KDM2B: variants seen among roughly 807,000 people sequenced by gnomAD.
KDM2B encodes the protein lysine demethylase 2B.
A neutral mutation model predicts 150.0 loss-of-function variants in KDM2B; 26 were observed. That is an observed-to-expected ratio of 0.17 (90% confidence interval 0.13 to 0.24). The LOEUF is 0.24. Among genes scored for constraint, KDM2B ranks in the 10% least tolerant of loss-of-function variants. KDM2B has a pLI of 1.00. For missense variants in KDM2B, 1,265 were observed against 1,816.9 expected, an observed-to-expected ratio of 0.70 and a Z score of 5.52; for synonymous variants, 734 against 729.5, an observed-to-expected ratio of 1.01 and a Z score of -0.10.
At chr12:121,557,717 C>T (rs1265356001) in intron 4 of KDM2B, among the ~76,000 whole-genome samples, 1 of 152,112 alleles carries the variant, frequency 6.6e-6, no homozygotes, top group Non-Finnish European at 1.5e-5. Flanking sequence ...GAAATGTAGC[C>T]CTACAGACAC....
intron 4 of KDM2B, among the ~76,000 whole-genome samples, chr12:121,568,026 G>C (rs1890834193): frequency 6.6e-6 from 1 of 151,980 alleles, no homozygotes; most frequent in African/African-American, 2.4e-5. Context: ...ACTGCGCCCA[G>C]CCTAAGAAAA....
chr12:121,420,270 C>T, the KDM2B span: 3 of 1,604,186 alleles, frequency 1.9e-6, no homozygotes, highest in African/African-American at 4.1e-5. Flanking sequence ...TCAGCAAACA[C>T]AGAAGATGAT....
chr12:121,476,498 A>C (rs1454382126), intron 12 of KDM2B, among the ~76,000 whole-genome samples: 1 of 151,622 alleles, frequency 6.6e-6, no homozygotes, highest in Non-Finnish European at 1.5e-5. Flanking sequence ...AAAAAAAAAA[A>C]CCCTGTCTCT....
Position 121,467,531 on chromosome 12 carries a change from A to T in KDM2B, c.1735-14187T>A, listed in dbSNP as rs1464286210. 1 of 177,474 alleles carries T rather than the reference A, an allele frequency of 5.6e-6. No homozygotes were observed. The highest frequency in any genetic ancestry group is 1.1e-5 in the Non-Finnish European group (1 of 94,384). The allele number at this position is 177,474 out of a possible 1,614,324, so 11.0% of individuals were successfully genotyped here. On this transcript the variant is annotated intron_variant, in intron 12 of 22. Coordinates refer to ENST00000377071, the MANE Select transcript of KDM2B (RefSeq NM_032590.5). The surrounding 1 kb of genome is among the most constrained non-coding windows in gnomAD (Gnocchi z 5.1). Reference sequence around the variant, plus strand: ...CAAAGGGAGCCCGGCCTGCGGTGACACGGGGGCGGGCCGCCGAGGGCGGTC... The same window carrying T: ...CAAAGGGAGCCCGGCCTGCGGTGACTCGGGGGCGGGCCGCCGAGGGCGGTC...
intron 10 of KDM2B, among the ~76,000 whole-genome samples, chr12:121,511,350 G>A (rs535029921): frequency 2.7e-5 from 4 of 146,216 alleles, no homozygotes; most frequent in South Asian, 4.3e-4. Flanking sequence ...GCAATGGCGC[G>A]ATCTCGGCAC....
At position 121,509,963 on chromosome 12, in the gene KDM2B, C is replaced by T; in HGVS notation, c.1251G>A (p.Gln417=). Residue 417 remains glutamine (Q), a synonymous_variant, in exon 11 of 23, where the codon CAG becomes CAA. Transcript: ENST00000377071. The part of the protein sequence containing the change: ...WLEMEEEACD[Q]QPQEEEEKDE... Reference sequence around the variant, plus strand: ...CCTTCTCCTCCTCCTCCTGAGGCTGCTGATCACAGGCCTCCTCCTCCATCT... The same window carrying T: ...CCTTCTCCTCCTCCTCCTGAGGCTGTTGATCACAGGCCTCCTCCTCCATCT... The T allele has an allele frequency of 6.2e-7, 1 of 1,609,070 alleles. No individual in the cohort carries two copies. Among genetic ancestry groups the T allele is most frequent in the Non-Finnish European group, 8.5e-7 (1 of 1,177,646 alleles).
chr12:121,488,225 T>G (rs1593921356), intron 12 of KDM2B, among the ~76,000 whole-genome samples: 1 of 152,222 alleles, frequency 6.6e-6, no homozygotes, highest in African/African-American at 2.4e-5. Context: ...ATGATAATTT[T>G]GGGATGGGAA....
intron 10 of KDM2B, among the ~76,000 whole-genome samples, chr12:121,510,647 G>T (rs1885506140): frequency 1.3e-5 from 2 of 151,976 alleles, no homozygotes; most frequent in Admixed American, 1.3e-4. Context: ...ACACAAATTA[G>T]CTGGGTGTGA....
At chr12:121,418,829 C>T in the KDM2B span, 5 of 152,306 alleles carry the variant, frequency 3.3e-5, no homozygotes, top group Middle Eastern at 0.017. Context: ...TCAAGCAATT[C>T]TCCTGCCTCA....
rs782421557 is a variant in KDM2B, at chr12:121,442,809, G to A, written c.2632C>T (p.Arg878Cys). 6.6e-6 allele frequency: 10 copies of A among 1,526,676 alleles called. No individual in the cohort carries two copies. The African/African-American group carries it at 7.0e-5, about 11-fold the overall frequency. 94.6% of individuals were successfully genotyped at this position (1,526,676 alleles called of 1,614,324 possible). A position where few individuals can be genotyped will look rare whatever the true frequency, so the allele number is the denominator to read the frequency against. ...KRRSWKNAED[R>C]MALANKPLRR... ...AGGGGCTTGTTGGCCAGCGCCATGC[G>A]GTCCTCGGCGTTCTTCCAGGACCGC... The change falls in exon 19 of 23, where the codon CGC becomes TGC. Residue 878 changes from arginine (R) to cysteine (C), a missense_variant. By Grantham distance (180) the Arg-to-Cys change is radical. This residue lies in a region of KDM2B where 418 missense variants were observed against 402.4 expected (regional missense o/e 1.04). Coordinates refer to ENST00000377071, the MANE Select transcript of KDM2B (RefSeq NM_032590.5). The surrounding 1 kb of genome is among the most constrained non-coding windows in gnomAD (Gnocchi z 7.7).
At chr12:121,446,422 A>C (rs145180515) in intron 13 of KDM2B, among the ~76,000 whole-genome samples, 91 of 152,368 alleles carry the variant, frequency 6.0e-4, no homozygotes, top group African/African-American at 2.2e-3. Context: ...GTTTCATCTA[A>C]GAATATCTCT....
intron 8 of KDM2B, among the ~76,000 whole-genome samples, chr12:121,530,725 G>A (rs1170246165): frequency 6.6e-6 from 1 of 152,058 alleles, no homozygotes; most frequent in Admixed American, 6.6e-5. Context: ...TCAATAGACA[G>A]CCACGCCCAC....
chr12:121,433,613 CAA>C (rs1873434079), intron 22 of KDM2B, among the ~76,000 whole-genome samples: 1 of 152,332 alleles, frequency 6.6e-6, no homozygotes, highest in Middle Eastern at 3.4e-3. Context: ...AATGGAAAGT[CAA>C]GACTTAATAC....
chr12:121,494,779 C>T (rs782477903), intron 11 of KDM2B, 114 bp from the exon 12 acceptor site: 1 of 688,034 alleles, frequency 1.5e-6, no homozygotes, highest in Non-Finnish European at 2.3e-6. Context: ...CAGCGCCTGG[C>T]CATTGACTCC....
At position 121,495,264 on chromosome 12, in the gene KDM2B, G is replaced by A. The variant is rs1054584923; in HGVS notation, c.1648-599C>T. Among the ~76,000 whole-genome samples, 39 of 151,904 alleles carry A rather than the reference G, an allele frequency of 2.6e-4. 1 individual carries two copies. Among genetic ancestry groups the A allele is most frequent in the East Asian group, 1.9e-3 (10 of 5,172 alleles). On this transcript the variant is annotated intron_variant, in intron 11 of 22. Transcript: ENST00000377071. The stretch of plus-strand genomic sequence containing the variant: ...CAACTTCTGCCTCTTGGGTTCAAGC[G>A]ATTTCCCTGCCCCAGCCTCCCGAGT...
chr12:121,410,591 A>G, the KDM2B span, among the ~76,000 whole-genome samples: 1 of 151,958 alleles, frequency 6.6e-6, no homozygotes, highest in African/African-American at 2.4e-5. Context: ...TACTTCAAAT[A>G]TACTAGTGAC....
chr12:121,482,643 G>A (rs1882287149), intron 12 of KDM2B, among the ~76,000 whole-genome samples: 1 of 152,030 alleles, frequency 6.6e-6, no homozygotes, highest in African/African-American at 2.4e-5. Flanking sequence ...CATCTGGCGG[G>A]GACTGGGACA....
rs1371065447 is a variant in KDM2B, at chr12:121,532,881, T to C, written c.856A>G (p.Ile286Val). The part of the protein sequence containing the change: ...EWVLSGKQSD[I>V]FLGDRVERCQ... ...CGTTCCACACGGTCTCCCAGAAAGA[T>C]GTCACTCTGTTTGCCTGACAGCACC... The change falls in exon 8 of 23, where the codon ATC (isoleucine) becomes GTC (valine). Residue 286 changes from isoleucine (I) to valine (V), a missense_variant. Ile to Val is a conservative substitution (Grantham distance 29). Coordinates refer to ENST00000377071, the MANE Select transcript of KDM2B (RefSeq NM_032590.5). The C allele has an allele frequency of 6.2e-7, 1 of 1,614,102 alleles. No individual in the cohort carries two copies. The highest frequency in any genetic ancestry group is 1.3e-5 in the African/African-American group (1 of 74,932).
intron 12 of KDM2B, among the ~76,000 whole-genome samples, chr12:121,488,892 C>T (rs1315379979): frequency 6.6e-6 from 1 of 152,128 alleles, no homozygotes; most frequent in East Asian, 1.9e-4. Flanking sequence ...GCAACCTCTG[C>T]CTCCTGGGTT....
Sources: allele counts gnomAD v4.1 joint callset (sites outside exome capture counted in the v4.1 genomes callset), GRCh38; gene constraint gnomAD v4.1.1; regional missense constraint gnomAD v4.1.1; non-coding constraint Gnocchi (gnomAD v3.1); transcripts MANE v1.5; gene names NCBI Gene and HGNC (gene_info 2026-07-23, HGNC 2026-07-21).